Variants in TET1 observed in about 807,000 individuals in gnomAD.
TET1 encodes methylcytosine dioxygenase TET1.
TET1 carries 13 observed loss-of-function variants against 148.7 expected under a neutral mutation model. That is an observed-to-expected ratio of 0.09 (90% CI 0.06 to 0.14). The LOEUF (loss-of-function observed/expected upper bound fraction) is 0.14, where lower values mean the gene tolerates loss of function less well. Among genes scored for constraint, TET1 ranks in the 10% least tolerant of loss-of-function variants. The pLI, the probability that TET1 is intolerant of heterozygous loss-of-function variation, is 1.00. For missense variants in TET1, 2,182 were observed against 2,553.8 expected (o/e 0.85, Z 3.14); for synonymous variants, 907 against 937.2 (o/e 0.97, Z 0.59).
chr10:68,610,910 C>T (rs1223988454), intron 3 of TET1, among the ~76,000 whole-genome samples: 1 of 152,126 alleles, frequency 6.6e-6, no homozygotes, highest in Non-Finnish European at 1.5e-5. Context: ...AAAGTACTAG[C>T]ACTACAGGCA....
intron 10 of TET1, 115 bp downstream of exon 10, chr10:68,683,088 T>G: frequency 7.9e-7 from 1 of 1,258,426 alleles, no homozygotes. Flanking sequence ...TATGTGTTAT[T>G]AGAAATAAGT....
At chr10:68,580,989 A>G (rs913691987) in intron 2 of TET1, among the ~76,000 whole-genome samples, 1 of 151,920 alleles carries the variant, frequency 6.6e-6, no homozygotes, top group Non-Finnish European at 1.5e-5. Flanking sequence ...GTAAATTCTG[A>G]AGGAGTCTCT....
In TET1 at chr10:68,692,121, A is replaced by C. The variant is rs2055602674; in HGVS notation, c.*307A>C. Reference sequence around the variant, plus strand: ...TTGGTGCTTTAAATTAAGTCTGTTTACTATGAAACAAGAGTCATTTTTAGA... The same window carrying C: ...TTGGTGCTTTAAATTAAGTCTGTTTCCTATGAAACAAGAGTCATTTTTAGA... On this transcript the variant is annotated 3_prime_UTR_variant, in exon 12 of 12. Transcript: ENST00000373644. 3.0e-6 allele frequency: 1 copy of C among 334,346 alleles called. No homozygotes were observed. 20.7% of individuals were successfully genotyped at this position (334,346 alleles called of 1,614,324 possible).
intron 8 of TET1, among the ~76,000 whole-genome samples, chr10:68,679,860 G>C (rs959021618): frequency 1.3e-5 from 2 of 152,158 alleles, no homozygotes; most frequent in Non-Finnish European, 2.9e-5. Flanking sequence ...TTTTAGTAGA[G>C]GCTGGGTTTC....
At chr10:68,684,117 G>T (rs905550846) in intron 10 of TET1, among the ~76,000 whole-genome samples, 3 of 152,156 alleles carry the variant, frequency 2.0e-5, no homozygotes, top group Non-Finnish European at 4.4e-5. Context: ...GGATGAGCAT[G>T]TTGGCTCATG....
intron 2 of TET1, among the ~76,000 whole-genome samples, chr10:68,590,950 G>A (rs1326243356): frequency 6.6e-6 from 1 of 151,858 alleles, no homozygotes; most frequent in Non-Finnish European, 1.5e-5. Context: ...CCACCTCCCA[G>A]GTTCAAGCGA....
At chr10:68,684,546 A>G (rs1295261612) in intron 10 of TET1, among the ~76,000 whole-genome samples, 2 of 152,140 alleles carry the variant, frequency 1.3e-5, no homozygotes, top group Middle Eastern at 3.2e-3. Context: ...GAATTACAGA[A>G]TATCTGTGAT....
chr10:68,673,433 TC>T, intron 8 of TET1: 1 of 408,400 alleles, frequency 2.4e-6, no homozygotes, highest in Non-Finnish European at 5.0e-6. Flanking sequence ...AAGGACGTAA[TC>T]CAGAAAGAAG....
At chr10:68,562,409 A>G (rs992224707) in intron 1 of TET1, among the ~76,000 whole-genome samples, 3 of 152,142 alleles carry the variant, frequency 2.0e-5, no homozygotes, top group Non-Finnish European at 2.9e-5. Flanking sequence ...AATAATCGAA[A>G]GACTTAGGTG....
intron 3 of TET1, among the ~76,000 whole-genome samples, chr10:68,635,094 A>AAT (rs35973640): frequency 0.073 from 10,948 of 149,086 alleles, 642 homozygotes; most frequent in South Asian, 0.19. Flanking sequence ...TGCCTGGCGC[A>AAT]ATATATATAT....
At chr10:68,623,654 A>G (rs1463818154) in intron 3 of TET1, among the ~76,000 whole-genome samples, 1 of 152,204 alleles carries the variant, frequency 6.6e-6, no homozygotes, top group Non-Finnish European at 1.5e-5. Flanking sequence ...CCTCTGGTGT[A>G]TCTGTCACAT....
intron 2 of TET1, among the ~76,000 whole-genome samples, chr10:68,580,074 G>T (rs961934532): frequency 6.6e-6 from 1 of 151,446 alleles, no homozygotes; most frequent in Admixed American, 6.6e-5. Context: ...GATTACAGGT[G>T]CACACCACCA....
At chr10:68,641,866 G>T (rs1452998672) in intron 3 of TET1, among the ~76,000 whole-genome samples, 1 of 152,124 alleles carries the variant, frequency 6.6e-6, no homozygotes, top group Non-Finnish European at 1.5e-5. Flanking sequence ...TGGCATAATA[G>T]TATCTCACTG....
chr10:68,690,108 G>A (rs367565330), intron 11 of TET1, among the ~76,000 whole-genome samples: 5 of 152,102 alleles, frequency 3.3e-5, no homozygotes, highest in African/African-American at 7.2e-5. Flanking sequence ...TGCCTAAAAC[G>A]TATCTAAATA....
At chr10:68,565,475 A>AAATATATATAT (rs1388182777) in intron 1 of TET1, among the ~76,000 whole-genome samples, 2 of 129,232 alleles carry the variant, frequency 1.5e-5, no homozygotes, top group Admixed American at 8.4e-5. Flanking sequence ...AAAAAAAAAA[A>AAATATATATAT]ATATATATAT....
At position 68,645,363 on chromosome 10, in the gene TET1, A is replaced by G. The variant is rs1171133856; in HGVS notation, c.2634A>G (p.Leu878=). The stretch of plus-strand genomic sequence containing the variant: ...GATCTCCCGTTCAACCAAGTCTCTT[A>G]TCGTTAATGAAAGATAGGAGATTAA... ...KDGSPVQPSL[L]SLMKDRRLTL... Residue 878 remains leucine, a synonymous_variant, in exon 4 of 12, where the codon TTA becomes TTG. Coordinates refer to ENST00000373644, the MANE Select transcript of TET1 (RefSeq NM_030625.3). The G allele has an allele frequency of 1.2e-6, 2 of 1,614,088 alleles. No homozygotes were observed. The highest frequency in any genetic ancestry group is 1.7e-6 in the Non-Finnish European group (2 of 1,180,056).
intron 3 of TET1, among the ~76,000 whole-genome samples, chr10:68,608,847 T>C (rs973175214): frequency 6.6e-6 from 1 of 152,126 alleles, no homozygotes; most frequent in African/African-American, 2.4e-5. Flanking sequence ...TATTTATTTT[T>C]TAATTAAAAA....
intron 10 of TET1, among the ~76,000 whole-genome samples, chr10:68,683,280 T>C (rs555300240): frequency 6.6e-6 from 1 of 152,234 alleles, no homozygotes; most frequent in African/African-American, 2.4e-5. Context: ...TTAAATTTAT[T>C]TATTTATTTA....
rs779722738 is a variant in TET1, at chr10:68,572,382, A to G, written c.44A>G (p.Lys15Arg). The change falls in exon 2 of 12, where the codon AAG becomes AGG. Residue 15 changes from lysine to arginine, a missense_variant. Physicochemically the swap from Lys to Arg is conservative, Grantham distance 26. Transcript: ENST00000373644. The stretch of plus-strand genomic sequence containing the variant: ...GCAAGGCCTTCCAGATTAGTCAGGA[A>G]GGAAGATGTAAACAAAAAAAAGAAA... ...RHARPSRLVR[K>R]EDVNKKKKNS... 4 of 1,610,026 alleles carry G rather than the reference A, an allele frequency of 2.5e-6. No homozygotes were observed. Among genetic ancestry groups the G allele is most frequent in the South Asian group, 1.1e-5 (1 of 90,098 alleles).
Sources: gnomAD v4.1 joint callset for allele counts (sites outside exome capture counted in the v4.1 genomes callset) on GRCh38, gnomAD v4.1.1 for gene constraint, MANE v1.5 for transcripts, NCBI Gene and HGNC (gene_info 2026-07-23, HGNC 2026-07-21) for gene names.